DNAH9: variants seen among roughly 807,000 people sequenced by gnomAD.
DNAH9 encodes dynein axonemal heavy chain 9, also known as DNAH9 variant protein.
DNAH9 carries 345 observed loss-of-function variants against 471.6 expected under a neutral mutation model. The observed-to-expected ratio is 0.73, with a 90% CI of 0.67 to 0.80. The LOEUF (loss-of-function observed/expected upper bound fraction) is 0.80. DNAH9 is among the 30% of genes least tolerant of loss of function. The pLI, the probability that DNAH9 is intolerant of heterozygous loss-of-function variation, is 0.00. For missense variants in DNAH9, 5,407 were observed against 5,609.2 expected, an observed-to-expected ratio of 0.96 and a Z score of 1.15; for synonymous variants, 2,093 against 2,123.6, an observed-to-expected ratio of 0.99 and a Z score of 0.40.
At chr17:11,736,407 GT>G (rs1392746532) in intron 28 of DNAH9, among the ~76,000 whole-genome samples, 1 of 152,192 alleles carries the variant, frequency 6.6e-6, no homozygotes, top group Non-Finnish European at 1.5e-5. Context: ...CAAACGACCT[GT>G]GTGTGTACTT....
chr17:11,769,950 A>G (rs539417387), intron 38 of DNAH9, among the ~76,000 whole-genome samples: 1 of 152,320 alleles, frequency 6.6e-6, no homozygotes, highest in African/African-American at 2.4e-5. Context: ...CAACACATTA[A>G]CTAAAACAGC....
chr17:11,779,379 A>G (rs1968586486), intron 38 of DNAH9, among the ~76,000 whole-genome samples: 1 of 152,142 alleles, frequency 6.6e-6, no homozygotes, highest in South Asian at 2.1e-4. Context: ...AGCTCACTGT[A>G]ATTCCATCCT....
chr17:11,718,590 A>G (rs1181757459), intron 26 of DNAH9, among the ~76,000 whole-genome samples: 2 of 152,244 alleles, frequency 1.3e-5, no homozygotes. Context: ...ACTGGTAAAA[A>G]GAGTCCCAAA....
In DNAH9 at chr17:11,728,072, T is replaced by C. The variant is rs2075188281; in HGVS notation, c.5814+150T>C. ...CTTTCTCCATCCTCTAAAATCAGGC[T>C]CCAGGGAAGCTGTCCTCCAAAATGG... On this transcript the variant is annotated intron_variant, in intron 28 of 68. Coordinates refer to ENST00000262442, the MANE Select transcript of DNAH9 (RefSeq NM_001372.4). 5 of 616,528 alleles carry C rather than the reference T, an allele frequency of 8.1e-6. No individual in the cohort carries two copies. The African/African-American group carries it at 9.2e-5, about 11-fold the overall frequency. The allele number at this position is 616,528 out of a possible 1,614,324, so 38.2% of individuals were successfully genotyped here. A position where few individuals can be genotyped will look rare whatever the true frequency, so the allele number is the denominator to read the frequency against.
At chr17:11,808,945 A>G (rs538045962) in intron 44 of DNAH9, among the ~76,000 whole-genome samples, 1 of 152,308 alleles carries the variant, frequency 6.6e-6, no homozygotes, top group Admixed American at 6.5e-5. Context: ...AAAAATCAGT[A>G]TATTTAAAGG....
chr17:11,795,120 G>C (rs1238239611), intron 42 of DNAH9, among the ~76,000 whole-genome samples: 1 of 151,982 alleles, frequency 6.6e-6, no homozygotes, highest in Non-Finnish European at 1.5e-5. Flanking sequence ...CTGAAATCTT[G>C]AATAACTCTA....
rs1486735493 is a variant in DNAH9 at position 11,694,020 on chromosome 17, C to G, written c.4745+22C>G. 4.4e-6 allele frequency: 7 copies of G among 1,608,750 alleles called. No homozygotes were observed. The African/African-American group carries it at 8.1e-5, about 19-fold the overall frequency. The stretch of plus-strand genomic sequence containing the variant: ...GCAGGTGAGGGTCCGCCCATTACCC[C>G]TTCTCTAATAAGAAGGCATCATTTC... On this transcript the variant is annotated intron_variant, in intron 21 of 68. Coordinates refer to ENST00000262442, the MANE Select transcript of DNAH9 (RefSeq NM_001372.4).
intron 49 of DNAH9, among the ~76,000 whole-genome samples, chr17:11,839,918 T>C (rs112252164): frequency 3.2e-4 from 49 of 152,274 alleles, no homozygotes; most frequent in African/African-American, 1.1e-3. Context: ...ATAATATGTG[T>C]TGGTCAAAGT....
chr17:11,892,801 G>A lies in DNAH9; in HGVS notation c.11283+854G>A, dbSNP rs369904187. 1.3e-5 allele frequency among the ~76,000 whole-genome samples: 2 copies of A among 152,022 alleles called. No individual in the cohort carries two copies. The highest frequency in any genetic ancestry group is 4.8e-5 in the African/African-American group (2 of 41,382). ...ACTCCTGACCTCAGGTGATCCACCC[G>A]CCTCGGCCTACCAAAGTGCTGGGAT... On this transcript the variant is annotated intron_variant, in intron 58 of 68. Transcript: ENST00000262442. This position sits in a 1 kb window ranked among gnomAD's most constrained non-coding sequence, Gnocchi z 4.3.
intron 64 of DNAH9, among the ~76,000 whole-genome samples, chr17:11,933,105 C>T (rs1431193904): frequency 6.6e-6 from 1 of 152,110 alleles, no homozygotes; most frequent in South Asian, 2.1e-4. Context: ...GACCTCCCTC[C>T]CTAAGTCTCA....
At chr17:11,701,605 G>A (rs539614037) in intron 24 of DNAH9, among the ~76,000 whole-genome samples, 38 of 152,328 alleles carry the variant, frequency 2.5e-4, no homozygotes, top group South Asian at 2.3e-3. Context: ...CTGTCTTGCT[G>A]GAGTTTACAG....
intron 8 of DNAH9, among the ~76,000 whole-genome samples, chr17:11,635,074 T>C (rs916095957): frequency 6.6e-6 from 1 of 152,212 alleles, no homozygotes; most frequent in Non-Finnish European, 1.5e-5. Context: ...GGGTTCCACA[T>C]TTTTTTCTAC....
chr17:11,689,966 C>T lies in DNAH9; in HGVS notation c.4144C>T (p.Arg1382Trp), dbSNP rs761137020. 36 of 1,613,446 alleles carry T rather than the reference C, an allele frequency of 2.2e-5. No individual in the cohort carries two copies. Among genetic ancestry groups the T allele is most frequent in the East Asian group, 6.7e-5 (3 of 44,848 alleles). Residue 1382 changes from arginine (R) to tryptophan (W), a missense_variant, in exon 20 of 69, where the codon CGG becomes TGG. Physicochemically the swap from Arg to Trp is moderately radical, Grantham distance 101. Transcript: ENST00000262442. Reference sequence around the variant, plus strand: ...AGCTGAGCTGCAGAATCCAGCCATCCGGGAGCGGCACTGGAGGCAGCTGAT... The same window carrying T: ...AGCTGAGCTGCAGAATCCAGCCATCTGGGAGCGGCACTGGAGGCAGCTGAT... The part of the protein sequence containing the change: ...AVAELQNPAI[R>W]ERHWRQLMQA...
At chr17:11,814,985 CA>C (rs1364961068) in intron 45 of DNAH9, among the ~76,000 whole-genome samples, 2 of 151,676 alleles carry the variant, frequency 1.3e-5, no homozygotes, top group Non-Finnish European at 2.9e-5. Flanking sequence ...AAAGTTGGGG[CA>C]AAAAAGCAAC....
rs375550161 is a variant in DNAH9 at position 11,752,955 on chromosome 17, A to G, written c.6733A>G (p.Asn2245Asp). The G allele has an allele frequency of 3.2e-6, 5 of 1,586,340 alleles. No individual in the cohort carries two copies. In the African/African-American group the frequency reaches 6.8e-5, roughly 21 times the overall value. The change falls in exon 33 of 69, where the codon AAC becomes GAC. Residue 2245 changes from asparagine to aspartate, a missense_variant. Transcript: ENST00000262442. ...ATCCCTGAATACTGTCATGGATGATAACAAGGTATGAAATTGGGGGATATC... is the reference window on the plus strand; with the variant it reads ...ATCCCTGAATACTGTCATGGATGATGACAAGGTATGAAATTGGGGGATATC... ...IESLNTVMDDNKVLTLASNER... is the reference protein window; with the variant it reads ...IESLNTVMDDDKVLTLASNER...
intron 62 of DNAH9, among the ~76,000 whole-genome samples, chr17:11,924,525 C>G (rs1237631137): frequency 2.0e-5 from 3 of 150,932 alleles, no homozygotes; most frequent in Non-Finnish European, 4.4e-5. Flanking sequence ...TTAGCCCTCT[C>G]TATTAACCCC....
chr17:11,910,344 A>C (rs775796892), intron 61 of DNAH9, among the ~76,000 whole-genome samples: 3 of 152,176 alleles, frequency 2.0e-5, no homozygotes, highest in Non-Finnish European at 4.4e-5. Context: ...TTCATTTGGC[A>C]TAATATTTTC....
chr17:11,692,069 T>TG (rs397772037), intron 20 of DNAH9, among the ~76,000 whole-genome samples: 1 of 400 alleles, frequency 2.5e-3, no homozygotes, highest in Non-Finnish European at 0.014. Context: ...CCCAAAGTGC[T>TG]GGATTACAGG....
At chr17:11,881,503 G>T (rs1972721210) in intron 55 of DNAH9, 90 bp downstream of exon 55, 1 of 1,357,498 alleles carries the variant, frequency 7.4e-7, no homozygotes, top group Non-Finnish European at 9.9e-7. Context: ...TGTTTTTCCT[G>T]GATTGAGTTA....
Sources: allele counts gnomAD v4.1 joint callset (sites outside exome capture counted in the v4.1 genomes callset), GRCh38; gene constraint gnomAD v4.1.1; non-coding constraint Gnocchi (gnomAD v3.1); transcripts MANE v1.5; gene names NCBI Gene and HGNC (gene_info 2026-07-23, HGNC 2026-07-21).